Variants in WDR64 observed in about 807,000 individuals in gnomAD.
The protein encoded by WDR64 is WD repeat-containing protein 64.
WDR64 carries 112 observed loss-of-function variants against 139.3 expected under a neutral mutation model. That is an observed-to-expected ratio of 0.80 (90% confidence interval 0.69 to 0.94). The LOEUF (loss-of-function observed/expected upper bound fraction) is 0.94, where lower values mean the gene tolerates loss of function less well. Ranked by LOEUF, WDR64 falls within the 40% of genes least tolerant of loss-of-function variation. The pLI, the probability that WDR64 is intolerant of heterozygous loss-of-function variation, is 0.00. For missense variants in WDR64, 1,206 were observed against 1,293.1 expected, an observed-to-expected ratio of 0.93 and a Z score of 1.03; for synonymous variants, 444 against 437.7, an observed-to-expected ratio of 1.01 and a Z score of -0.18.
intron 9 of WDR64, among the ~76,000 whole-genome samples, chr1:241,716,256 A>G (rs1384587340): frequency 1.4e-5 from 2 of 147,940 alleles, no homozygotes; most frequent in Admixed American, 6.9e-5. Context: ...GGGACATTTG[A>G]TGAGCTTCAA....
At chr1:241,687,620 G>A in intron 8 of WDR64, 25 bp downstream of exon 8, 1 of 1,583,654 alleles carries the variant, frequency 6.3e-7, no homozygotes, top group Non-Finnish European at 8.6e-7. Context: ...TTATATACAT[G>A]AACAGTCTGT....
chr1:241,789,348 A>G (rs1659148681), intron 24 of WDR64, among the ~76,000 whole-genome samples: 1 of 152,246 alleles, frequency 6.6e-6, no homozygotes, highest in South Asian at 2.1e-4. Context: ...AAACAGAAAT[A>G]TCATTCAACC....
intron 2 of WDR64, among the ~76,000 whole-genome samples, chr1:241,670,661 G>T (rs1311410546): frequency 6.6e-6 from 1 of 152,164 alleles, no homozygotes; most frequent in East Asian, 1.9e-4. Flanking sequence ...GGTGATCAGT[G>T]GGGGAGAGAG....
chr1:241,700,523 G>A (rs780317045), intron 8 of WDR64, among the ~76,000 whole-genome samples: 5 of 152,300 alleles, frequency 3.3e-5, no homozygotes, highest in Admixed American at 6.5e-5. Flanking sequence ...TTGAGAACAG[G>A]TGACTGTCAG....
At chr1:241,698,552 T>C (rs1217202036) in intron 8 of WDR64, among the ~76,000 whole-genome samples, 3 of 152,150 alleles carry the variant, frequency 2.0e-5, no homozygotes, top group African/African-American at 4.8e-5. Flanking sequence ...AGCATACTCC[T>C]CACCTCATCC....
In WDR64 at chr1:241,771,945, CATATATATATATATATATAT is replaced by C. The variant is rs57383177; in HGVS notation, c.2290+273_2290+292del. On this transcript the variant is annotated intron_variant, in intron 19 of 27. Coordinates refer to ENST00000437684, the MANE Select transcript of WDR64 (RefSeq NM_001367482.1). ...ATACATACATATACATACATACATA[CATATATATATATATATATAT>C]ATATATATATATATATATATATATT... is the stretch of plus-strand genomic sequence containing the variant. Among the ~76,000 whole-genome samples the C allele has an allele frequency of 4.0e-4, 25 of 62,362 alleles. 1 individual carries two copies. The highest frequency in any genetic ancestry group is 1.7e-3 in the South Asian group (3 of 1,792). 40.9% of individuals were successfully genotyped at this position (62,362 alleles called of 152,430 possible).
chr1:241,771,923 C>T (rs1003920478), intron 19 of WDR64, among the ~76,000 whole-genome samples: 3 of 53,738 alleles, frequency 5.6e-5, no homozygotes, highest in African/African-American at 1.3e-4. Flanking sequence ...TACATATATA[C>T]ATACATATAC....
intron 19 of WDR64, 51 bp downstream of exon 19, chr1:241,771,748 G>A: frequency 7.7e-7 from 1 of 1,294,658 alleles, no homozygotes; most frequent in African/African-American, 1.5e-5. Context: ...TCCTTTGCAA[G>A]AGGGCATTTA....
At chr1:241,707,127 T>C (rs2148162724) in intron 8 of WDR64, among the ~76,000 whole-genome samples, 1 of 152,306 alleles carries the variant, frequency 6.6e-6, no homozygotes, top group East Asian at 1.9e-4. Context: ...GCCTGGCTGC[T>C]GCAGACTTTG....
chr1:241,718,127 C>A (rs1022281548), intron 9 of WDR64, among the ~76,000 whole-genome samples: 2 of 152,172 alleles, frequency 1.3e-5, no homozygotes, highest in Admixed American at 6.6e-5. Context: ...TCATGAGTGA[C>A]TCTACAAGCC....
At position 241,678,184 on chromosome 1, in the gene WDR64, T is replaced by C; in HGVS notation, c.484-3T>C. 5.0e-6 allele frequency: 2 copies of C among 398,950 alleles called. No homozygotes were observed. The highest frequency in any genetic ancestry group is 3.6e-5 in the East Asian group (1 of 28,054). The allele number at this position is 398,950 out of a possible 1,614,324, so 24.7% of individuals were successfully genotyped here. A position where few individuals can be genotyped will look rare whatever the true frequency, so the allele number is the denominator to read the frequency against. ...TTTCATTATTCTCTTCCTTTGTTCA[T>C]AGATGAGAGTTCAGACCAGCACCAA... On this transcript the variant is annotated splice_region_variant and splice_polypyrimidine_tract_variant and intron_variant, in intron 4 of 27. Transcript: ENST00000437684.
At chr1:241,796,464 T>C in intron 27 of WDR64, 94 bp downstream of exon 27, 14 of 845,104 alleles carry the variant, frequency 1.7e-5, no homozygotes, top group Non-Finnish European at 2.2e-5. Context: ...TCAGAAACAT[T>C]CTGAACCTAA....
At chr1:241,762,094 A>C (rs1328938643) in intron 15 of WDR64, among the ~76,000 whole-genome samples, 2 of 152,228 alleles carry the variant, frequency 1.3e-5, no homozygotes, top group Non-Finnish European at 2.9e-5. Context: ...TTGAGCAACC[A>C]GATTTATCAT....
chr1:241,779,654 T>C (rs560443199), intron 21 of WDR64, among the ~76,000 whole-genome samples: 3 of 152,118 alleles, frequency 2.0e-5, no homozygotes, highest in East Asian at 3.9e-4. Flanking sequence ...GGTGAAACCC[T>C]GTCTCTACTA....
intron 16 of WDR64, among the ~76,000 whole-genome samples, chr1:241,768,571 G>A (rs1284970278): frequency 2.0e-5 from 3 of 152,170 alleles, no homozygotes; most frequent in Admixed American, 2.0e-4. Context: ...AAAAATTTGA[G>A]TTCAACAAGT....
intron 14 of WDR64, among the ~76,000 whole-genome samples, chr1:241,755,799 C>T (rs1172039334): frequency 1.3e-5 from 2 of 152,180 alleles, no homozygotes; most frequent in East Asian, 3.9e-4. Flanking sequence ...GTTTTCCCAG[C>T]ACCATTTATT....
chr1:241,761,877 G>A (rs368730815), intron 15 of WDR64, among the ~76,000 whole-genome samples: 13 of 152,096 alleles, frequency 8.5e-5, no homozygotes, highest in Admixed American at 5.2e-4. Context: ...GTTACGCTTC[G>A]CTTCTAATTC....
At position 241,652,624 on chromosome 1, in the gene WDR64, A is replaced by G. The variant is rs1369494543; in HGVS notation, c.140A>G (p.Lys47Arg). Residue 47 changes from lysine (K) to arginine (R), a missense_variant, in exon 1 of 28, where the codon AAA becomes AGA. By Grantham distance (26) the Lys-to-Arg change is conservative (BLOSUM62 2). Transcript: ENST00000437684. ...GAAAGAGCAGGCTTATTTATCCATA[A>G]AGAAGGTAAGATCAGTGATTACACG... Reference protein sequence around the residue: ...RDERAGLFIHKEDAIGYDKFY... With the variant: ...RDERAGLFIHREDAIGYDKFY... 6.4e-7 allele frequency: 1 copy of G among 1,551,626 alleles called. No homozygotes were observed. Among genetic ancestry groups the G allele is most frequent in the Non-Finnish European group, 8.7e-7 (1 of 1,146,980 alleles).
chr1:241,698,742 C>A (rs1392925126), intron 8 of WDR64, among the ~76,000 whole-genome samples: 3 of 152,154 alleles, frequency 2.0e-5, no homozygotes, highest in African/African-American at 7.2e-5. Flanking sequence ...ATGGTACCTA[C>A]TCCAGGGAAT....
Sources: gnomAD v4.1 joint callset for allele counts (sites outside exome capture counted in the v4.1 genomes callset) on GRCh38, gnomAD v4.1.1 for gene constraint, MANE v1.5 for transcripts, NCBI Gene and HGNC (gene_info 2026-07-23, HGNC 2026-07-21) for gene names.